Variants in ELFN2 observed in about 807,000 individuals in gnomAD.
The protein encoded by ELFN2 is extracellular leucine rich repeat and fibronectin type III domain containing 2.
ELFN2 carries 17 observed loss-of-function variants against 45.5 expected under a neutral mutation model. The observed-to-expected ratio is 0.37, with a 90% CI of 0.26 to 0.56. The LOEUF is 0.56. ELFN2 is among the 20% of genes least tolerant of loss of function. The pLI is 0.77. For synonymous variants in ELFN2, 550 were observed against 551.5 expected, an observed-to-expected ratio of 1.00 and a Z score of 0.04; for missense variants, 922 against 1,183.2, an observed-to-expected ratio of 0.78 and a Z score of 3.24.
At chr22:37,384,049 AC>A (rs948909293) in intron 2 of ELFN2, among the ~76,000 whole-genome samples, 2 of 150,880 alleles carry the variant, frequency 1.3e-5, no homozygotes, top group Admixed American at 6.6e-5. Context: ...CCACCGTGTC[AC>A]CCCCCCATGG....
At position 37,350,151 on chromosome 22, in the gene ELFN2, C is replaced by T. The variant is rs1182784857; in HGVS notation, n.149-7448G>A. Among the ~76,000 whole-genome samples, 6 of 150,938 alleles carry T rather than the reference C, an allele frequency of 4.0e-5. 1 individual carries two copies. Among genetic ancestry groups the T allele is most frequent in the South Asian group, 2.1e-4 (1 of 4,802 alleles). On this transcript the variant is annotated intron_variant and non_coding_transcript_variant, in intron 1 of 2. Transcript: ENST00000452946. ...GGAACCCCACAGCTGGCCTCACAGA[C>T]GCCCAGGAGTGAGCGGGTCCAAGGA...
At chr22:37,394,302 G>C (rs1226119701) in intron 2 of ELFN2, among the ~76,000 whole-genome samples, 2 of 152,174 alleles carry the variant, frequency 1.3e-5, no homozygotes, top group Non-Finnish European at 2.9e-5. Context: ...GGTCTCTAGT[G>C]TGCCCCAAGG....
intron 2 of ELFN2, among the ~76,000 whole-genome samples, chr22:37,404,541 A>G (rs1555923681): frequency 6.6e-6 from 1 of 152,134 alleles, no homozygotes; most frequent in Non-Finnish European, 1.5e-5. Context: ...GGGTGGGGCC[A>G]GTTGAGCTTT....
intron 2 of ELFN2, among the ~76,000 whole-genome samples, chr22:37,392,381 A>G (rs1932106844): frequency 6.7e-6 from 1 of 148,344 alleles, no homozygotes; most frequent in African/African-American, 2.5e-5. Context: ...GCAGTGGCGC[A>G]ATCTGGGCTC....
chr22:37,382,725 T>C (rs1265552691), intron 2 of ELFN2, among the ~76,000 whole-genome samples: 1 of 152,094 alleles, frequency 6.6e-6, no homozygotes, highest in African/African-American at 2.4e-5. Flanking sequence ...AATTGTTTTG[T>C]ATTTTTGGTA....
intron 1 of ELFN2, among the ~76,000 whole-genome samples, chr22:37,426,344 ACGCGCG>A (rs1423485103): frequency 7.2e-6 from 1 of 138,612 alleles, no homozygotes; most frequent in Non-Finnish European, 1.6e-5. Flanking sequence ...GTGCATGCAC[ACGCGCG>A]CGCGCGCACA....
Position 37,374,076 on chromosome 22 carries a change from A to G in ELFN2, c.1459T>C (p.Leu487=), listed in dbSNP as rs1931480311. ...TTGGGTGTGTCCAGCCCGGCCTCCA[A>G]CCCCTTGGCGGTGGGCAGCTTCTCC... is the stretch of plus-strand genomic sequence containing the variant. ...IGEKLPTAKG[L]EAGLDTPKVA... The change falls in exon 3 of 3, where the codon TTG becomes CTG. Residue 487 remains leucine (L), a synonymous_variant. Coordinates refer to ENST00000402918, the MANE Select transcript of ELFN2 (RefSeq NM_052906.5). 2 of 1,612,888 alleles carry G rather than the reference A, an allele frequency of 1.2e-6. No homozygotes were observed. The highest frequency in any genetic ancestry group is 1.7e-5 in the Admixed American group (1 of 60,004).
chr22:37,417,568 G>A lies in ELFN2; in HGVS notation c.-463+201C>T, dbSNP rs1356783886. On this transcript the variant is annotated intron_variant, in intron 2 of 2. Coordinates refer to ENST00000402918, the MANE Select transcript of ELFN2 (RefSeq NM_052906.5). This position sits in a 1 kb window ranked among gnomAD's most constrained non-coding sequence, Gnocchi z 4.5. ...TGTCTTAGCCCCCAACAGGCCTGCC[G>A]CTCTGCAGGCCGCCTCATAGGCCCT... is the stretch of plus-strand genomic sequence containing the variant. Among the ~76,000 whole-genome samples the A allele has an allele frequency of 1.3e-5, 2 of 152,192 alleles. No individual in the cohort carries two copies. Among genetic ancestry groups the A allele is most frequent in the Non-Finnish European group, 2.9e-5 (2 of 68,028 alleles).
chr22:37,366,054 T>C (rs1931199397), downstream of ELFN2, among the ~76,000 whole-genome samples: 1 of 152,192 alleles, frequency 6.6e-6, no homozygotes, highest in Non-Finnish European at 1.5e-5. Flanking sequence ...TGAAAATGTG[T>C]GGGCTCACGG....
intron 1 of ELFN2, among the ~76,000 whole-genome samples, chr22:37,358,166 C>A (rs368021882): frequency 6.6e-5 from 10 of 152,150 alleles, no homozygotes; most frequent in Non-Finnish European, 1.3e-4. Flanking sequence ...CTCCCCCAGG[C>A]CAGACCCCGT....
In ELFN2 at chr22:37,359,361, C is replaced by A. The variant is rs182054892; in HGVS notation, n.149-16658G>T. 6.3e-4 allele frequency among the ~76,000 whole-genome samples: 83 copies of A among 131,692 alleles called. No homozygotes were observed. In the East Asian group the frequency reaches 7.8e-3, roughly 12 times the overall value. 86.4% of individuals were successfully genotyped at this position (131,692 alleles called of 152,430 possible). On this transcript the variant is annotated intron_variant and non_coding_transcript_variant, in intron 1 of 2. Transcript: ENST00000452946. ...TCCTTCTTGGGAGCCTTCCCCTGGCCTCCCTGGCCAGGCCCCTGCCACTCC... is the reference window on the plus strand; with the variant it reads ...TCCTTCTTGGGAGCCTTCCCCTGGCATCCCTGGCCAGGCCCCTGCCACTCC...
intron 1 of ELFN2, among the ~76,000 whole-genome samples, chr22:37,421,615 G>A (rs1015249894): frequency 1.3e-5 from 2 of 152,190 alleles, no homozygotes; most frequent in African/African-American, 4.8e-5. Flanking sequence ...CCTCTCTGGG[G>A]GTTCCTGCCT....
intron 1 of ELFN2, among the ~76,000 whole-genome samples, chr22:37,357,853 C>G (rs1278715702): frequency 6.6e-6 from 1 of 152,202 alleles, no homozygotes; most frequent in East Asian, 1.9e-4. Flanking sequence ...TGTTGACAAA[C>G]TCTGTACTGT....
At chr22:37,403,285 CAG>C (rs1173042150) in intron 2 of ELFN2, among the ~76,000 whole-genome samples, 1 of 152,120 alleles carries the variant, frequency 6.6e-6, no homozygotes, top group East Asian at 1.9e-4. Flanking sequence ...CCACCAAGCC[CAG>C]AGTGAAACCC....
chr22:37,376,213 G>A (rs543553447), intron 2 of ELFN2, among the ~76,000 whole-genome samples: 70 of 152,102 alleles, frequency 4.6e-4, no homozygotes, highest in African/African-American at 1.7e-3. Context: ...GAGGGAGACA[G>A]AAGAATAGGG....
chr22:37,372,758 C>G lies in ELFN2; in HGVS notation c.*314G>C, dbSNP rs377321643. On this transcript the variant is annotated 3_prime_UTR_variant, in exon 3 of 3. Coordinates refer to ENST00000402918, the MANE Select transcript of ELFN2 (RefSeq NM_052906.5). The surrounding 1 kb of genome is among the most constrained non-coding windows in gnomAD (Gnocchi z 4.4). ...ACCCTCTCTTGGCTTCCTTCCTCCC[C>G]CCGCCAGCCCCCCGGCCCTGCACAC... 6.6e-5 allele frequency: 16 copies of G among 241,472 alleles called. No individual in the cohort carries two copies. The highest frequency in any genetic ancestry group is 2.7e-4 in the African/African-American group (12 of 44,550). The allele number at this position is 241,472 out of a possible 1,614,324, so 15.0% of individuals were successfully genotyped here. A position where few individuals can be genotyped will look rare whatever the true frequency, so the allele number is the denominator to read the frequency against.
chr22:37,401,292 A>T (rs540202743), intron 2 of ELFN2, among the ~76,000 whole-genome samples: 6 of 152,364 alleles, frequency 3.9e-5, no homozygotes, highest in African/African-American at 1.2e-4. Context: ...GTTGGGCAGT[A>T]TATATAACAC....
At chr22:37,426,270 C>T (rs1020251299) in intron 1 of ELFN2, among the ~76,000 whole-genome samples, 13 of 152,160 alleles carry the variant, frequency 8.5e-5, no homozygotes, top group Non-Finnish European at 1.8e-4. Context: ...TCTCGTCTCC[C>T]TCCTTGGGCA....
At chr22:37,412,956 C>T (rs1312288279) in intron 2 of ELFN2, among the ~76,000 whole-genome samples, 3 of 152,200 alleles carry the variant, frequency 2.0e-5, no homozygotes, top group Non-Finnish European at 4.4e-5. Flanking sequence ...CTTCCCTTGA[C>T]ACAGTGTGGG....
Sources: allele counts gnomAD v4.1 joint callset (sites outside exome capture counted in the v4.1 genomes callset), GRCh38; gene constraint gnomAD v4.1.1; non-coding constraint Gnocchi (gnomAD v3.1); transcripts MANE v1.5; gene names NCBI Gene and HGNC (gene_info 2026-07-23, HGNC 2026-07-21).